Variants in AFF1 observed in about 807,000 individuals in gnomAD.
AFF1 encodes the protein AF4/FMR2 family member 1.
AFF1 carries 48 observed loss-of-function variants against 121.7 expected under a neutral mutation model. That is an observed-to-expected ratio of 0.39 (90% CI 0.31 to 0.50). The LOEUF (loss-of-function observed/expected upper bound fraction) is 0.50. Ranked by LOEUF, AFF1 falls within the 20% of genes least tolerant of loss-of-function variation. AFF1 has a pLI of 0.76. For missense variants in AFF1, 1,523 were observed against 1,511.7 expected (o/e 1.01, Z -0.12); for synonymous variants, 613 against 563.0 (o/e 1.09, Z -1.26).
intron 4 of AFF1, among the ~76,000 whole-genome samples, chr4:87,070,117 C>T (rs1374890844): frequency 1.3e-5 from 2 of 152,346 alleles, no homozygotes; most frequent in African/African-American, 2.4e-5. Context: ...GATTGTCCTG[C>T]GTCAGCCTCC....
At chr4:86,981,248 G>A (rs181660692) in intron 2 of AFF1, among the ~76,000 whole-genome samples, 2 of 152,182 alleles carry the variant, frequency 1.3e-5, no homozygotes, top group Middle Eastern at 3.4e-3. Context: ...TCCTGACCTC[G>A]TGATCTGCCT....
At position 87,046,778 on chromosome 4, in the gene AFF1, G is replaced by A; in HGVS notation, c.243G>A (p.Lys81=). 1.9e-6 allele frequency: 3 copies of A among 1,614,160 alleles called. No individual in the cohort carries two copies. The highest frequency in any genetic ancestry group is 2.5e-6 in the Non-Finnish European group (3 of 1,180,036). Residue 81 remains lysine (K), a synonymous_variant, in exon 4 of 21, where the codon AAG becomes AAA. Coordinates refer to ENST00000395146, the MANE Select transcript of AFF1 (RefSeq NM_001166693.3). ...AAGTGAAGGAGTTCCTTAGTACTAA[G>A]TCTCACACTCATCGCCTGGATGCTT... ...YEEVKEFLST[K]SHTHRLDASE...
chr4:87,020,431 T>C (rs1332986926), intron 2 of AFF1, among the ~76,000 whole-genome samples: 2 of 152,214 alleles, frequency 1.3e-5, no homozygotes, highest in East Asian at 1.9e-4. Flanking sequence ...AAAAGCCTCA[T>C]ATGAGTACAC....
chr4:87,046,759 A>G lies in AFF1; in HGVS notation c.224A>G (p.Lys75Arg), dbSNP rs772880545. ...ATGTTGGGAAACTACGAAGAAGTGAAGGAGTTCCTTAGTACTAAGTCTCAC... is the reference window on the plus strand; with the variant it reads ...ATGTTGGGAAACTACGAAGAAGTGAGGGAGTTCCTTAGTACTAAGTCTCAC... ...QNMLGNYEEV[K>R]EFLSTKSHTH... Residue 75 changes from lysine (K) to arginine (R), a missense_variant, in exon 4 of 21, where the codon AAG (lysine) becomes AGG (arginine). By Grantham distance (26) the Lys-to-Arg change is conservative. Coordinates refer to ENST00000395146, the MANE Select transcript of AFF1 (RefSeq NM_001166693.3). 20 of 1,614,066 alleles carry G rather than the reference A, an allele frequency of 1.2e-5. No individual in the cohort carries two copies. The highest frequency in any genetic ancestry group is 8.3e-5 in the Admixed American group (5 of 60,006).
chr4:86,976,042 G>A (rs1457879672), intron 2 of AFF1, among the ~76,000 whole-genome samples: 2 of 152,186 alleles, frequency 1.3e-5, no homozygotes, highest in Non-Finnish European at 2.9e-5. Flanking sequence ...AAGTGTAAAT[G>A]TAAATGAATG....
At chr4:87,047,964 T>TTTCAGGTGTC in intron 4 of AFF1, 1 of 267,806 alleles carries the variant, frequency 3.7e-6, no homozygotes, top group South Asian at 4.4e-5. Context: ...TCAGGAAGGT[T>TTTCAGGTGTC]TTCAGGTGTC....
At chr4:87,061,257 G>C (rs967937025) in intron 4 of AFF1, among the ~76,000 whole-genome samples, 6 of 152,188 alleles carry the variant, frequency 3.9e-5, no homozygotes, top group Non-Finnish European at 7.3e-5. Context: ...GTGCAGCAGA[G>C]AGGAGACCAC....
At chr4:87,130,701 C>G (rs559064753) in intron 16 of AFF1, among the ~76,000 whole-genome samples, 1 of 152,278 alleles carries the variant, frequency 6.6e-6, no homozygotes, top group Admixed American at 6.5e-5. Flanking sequence ...TCAGCACGCA[C>G]AAAGAAATAT....
intron 2 of AFF1, among the ~76,000 whole-genome samples, chr4:87,040,043 C>T (rs1729971678): frequency 6.6e-6 from 1 of 152,114 alleles, no homozygotes; most frequent in African/African-American, 2.4e-5. Flanking sequence ...AAGCACGTGC[C>T]ACTACGCCCG....
At chr4:87,106,443 A>ATT (rs1560630411) in intron 10 of AFF1, among the ~76,000 whole-genome samples, 1 of 152,236 alleles carries the variant, frequency 6.6e-6, no homozygotes, top group Non-Finnish European at 1.5e-5. Context: ...GGTAATCAAT[A>ATT]TTTGAAAAGT....
Position 87,138,944 on chromosome 4 carries a change from A to G in AFF1, c.*3243A>G, listed in dbSNP as rs1007074856. On this transcript the variant is annotated 3_prime_UTR_variant, in exon 21 of 21. Transcript: ENST00000395146. ...AATTTCAGGTCTCAGGATGTTTAGAAAGCTAAAACCCCCTACCCCTTTCTG... is the reference window on the plus strand; with the variant it reads ...AATTTCAGGTCTCAGGATGTTTAGAGAGCTAAAACCCCCTACCCCTTTCTG... The G allele has an allele frequency of 5.3e-5, 12 of 226,676 alleles. No individual in the cohort carries two copies. The highest frequency in any genetic ancestry group is 2.7e-4 in the African/African-American group (12 of 44,968). The allele number at this position is 226,676 out of a possible 1,614,324, so 14.0% of individuals were successfully genotyped here. A position where few individuals can be genotyped will look rare whatever the true frequency, so the allele number is the denominator to read the frequency against.
chr4:87,091,870 G>A, intron 7 of AFF1, 41 bp downstream of exon 7: 1 of 1,455,902 alleles, frequency 6.9e-7, no homozygotes. Flanking sequence ...GGAGAACAAA[G>A]CATAGCTTTT....
chr4:86,980,350 G>C (rs1723637979), intron 2 of AFF1, among the ~76,000 whole-genome samples: 1 of 152,090 alleles, frequency 6.6e-6, no homozygotes, highest in African/African-American at 2.4e-5. Flanking sequence ...AACCCAGCTG[G>C]GCATGGCGGT....
chr4:87,130,073 C>G lies in AFF1; in HGVS notation c.2965-1010C>G, dbSNP rs13114832. Among the ~76,000 whole-genome samples, 87 of 151,678 alleles carry G rather than the reference C, an allele frequency of 5.7e-4. 1 individual carries two copies. The highest frequency in any genetic ancestry group is 2.1e-3 in the African/African-American group (86 of 41,340). Reference sequence around the variant, plus strand: ...CACCGTAACCTCTGCCTCCCATATTCAAGCGACTCTCCTGCCTCAGCCTCC... The same window carrying G: ...CACCGTAACCTCTGCCTCCCATATTGAAGCGACTCTCCTGCCTCAGCCTCC... On this transcript the variant is annotated intron_variant, in intron 16 of 20. Coordinates refer to ENST00000395146, the MANE Select transcript of AFF1 (RefSeq NM_001166693.3).
chr4:87,075,529 G>A (rs1722567434), intron 4 of AFF1, among the ~76,000 whole-genome samples: 1 of 152,098 alleles, frequency 6.6e-6, no homozygotes, highest in Non-Finnish European at 1.5e-5. Context: ...TCTCAAGGAA[G>A]CGTACGTACA....
At chr4:87,027,191 T>C (rs926573381) in intron 2 of AFF1, among the ~76,000 whole-genome samples, 3 of 152,228 alleles carry the variant, frequency 2.0e-5, no homozygotes, top group Admixed American at 1.3e-4. Context: ...CAGGTGGGAA[T>C]CTGAAACTTA....
At chr4:87,015,398 C>A (rs77618310) in intron 2 of AFF1, among the ~76,000 whole-genome samples, 6,797 of 152,194 alleles carry the variant, frequency 0.045, 495 homozygotes, top group African/African-American at 0.15. Flanking sequence ...AGTGTATTAC[C>A]TTAATACATA....
intron 2 of AFF1, chr4:86,949,985 A>T (rs879167025): frequency 1.2e-6 from 2 of 1,614,138 alleles, no homozygotes; most frequent in Admixed American, 3.3e-5. Context: ...GAGCTGGCAG[A>T]TCACAAAGAT....
At chr4:86,980,057 T>C (rs982244630) in intron 2 of AFF1, among the ~76,000 whole-genome samples, 6 of 152,118 alleles carry the variant, frequency 3.9e-5, no homozygotes, top group African/African-American at 1.4e-4. Context: ...ACTACAGGCA[T>C]GTGCCACCAC....
Sources: allele counts gnomAD v4.1 joint callset (sites outside exome capture counted in the v4.1 genomes callset), GRCh38; gene constraint gnomAD v4.1.1; transcripts MANE v1.5; gene names NCBI Gene and HGNC (gene_info 2026-07-23, HGNC 2026-07-21).